Variants in DLGAP1 observed in about 807,000 individuals in gnomAD.
DLGAP1 encodes the protein disks large-associated protein 1.
DLGAP1 carries 11 observed loss-of-function variants against 90.8 expected under a neutral mutation model. The observed-to-expected ratio is 0.12, with a 90% CI of 0.08 to 0.20. The LOEUF is 0.20. DLGAP1 is among the 10% of genes least tolerant of loss of function. DLGAP1 has a pLI of 1.00. For synonymous variants in DLGAP1, 558 were observed against 540.7 expected, an observed-to-expected ratio of 1.03 and a Z score of -0.44; for missense variants, 1,050 against 1,333.8, an observed-to-expected ratio of 0.79 and a Z score of 3.31.
At chr18:3,891,963 G>C (rs954001791) in intron 3 of DLGAP1, 2 of 151,638 alleles carry the variant, frequency 1.3e-5, no homozygotes, top group Admixed American at 6.6e-5. Flanking sequence ...GGCTGGTCTC[G>C]AGCTCCTGGC....
At chr18:4,242,621 G>A (rs2078563049) in intron 1 of DLGAP1, among the ~76,000 whole-genome samples, 1 of 152,200 alleles carries the variant, frequency 6.6e-6, no homozygotes, top group African/African-American at 2.4e-5. Context: ...GAGGAAGAAA[G>A]CGGGAAGGGC....
intron 1 of DLGAP1, among the ~76,000 whole-genome samples, chr18:4,157,149 C>G (rs905843481): frequency 6.6e-6 from 1 of 151,574 alleles, no homozygotes; most frequent in South Asian, 2.1e-4. Context: ...TGGGACCGGG[C>G]CGTCAGCTCA....
chr18:4,181,697 C>A (rs112885373), intron 1 of DLGAP1, among the ~76,000 whole-genome samples: 2 of 148,490 alleles, frequency 1.3e-5, no homozygotes, highest in East Asian at 3.9e-4. Context: ...TGGATTTCTT[C>A]TTTTTTTTTT....
chr18:4,426,308 A>T (rs568112969), intron 1 of DLGAP1, among the ~76,000 whole-genome samples: 1 of 152,206 alleles, frequency 6.6e-6, no homozygotes, highest in Non-Finnish European at 1.5e-5. Context: ...CCCCTTAAAA[A>T]GTTCTCCCCA....
At chr18:3,832,658 A>C (rs1479799824) in intron 4 of DLGAP1, among the ~76,000 whole-genome samples, 1 of 151,946 alleles carries the variant, frequency 6.6e-6, no homozygotes, top group Non-Finnish European at 1.5e-5. Flanking sequence ...GAACGGCCAC[A>C]GAGAACCTTC....
chr18:4,351,248 T>A (rs2081396738), intron 1 of DLGAP1, among the ~76,000 whole-genome samples: 1 of 152,164 alleles, frequency 6.6e-6, no homozygotes. Context: ...AGGCTTCTAG[T>A]GGTTGGCAAC....
chr18:3,835,865 C>T (rs1015315135), intron 4 of DLGAP1, among the ~76,000 whole-genome samples: 3 of 152,136 alleles, frequency 2.0e-5, no homozygotes, highest in South Asian at 2.1e-4. Flanking sequence ...TTATGTAGTG[C>T]CTCCCCGCCA....
intron 3 of DLGAP1, among the ~76,000 whole-genome samples, chr18:3,890,330 T>C (rs886760498): frequency 2.0e-5 from 3 of 152,248 alleles, no homozygotes; most frequent in East Asian, 1.9e-4. Context: ...TCAGATACCA[T>C]GTAAGAAGTG....
intron 1 of DLGAP1, among the ~76,000 whole-genome samples, chr18:4,444,978 G>A (rs1403258362): frequency 6.6e-6 from 1 of 152,140 alleles, no homozygotes; most frequent in Non-Finnish European, 1.5e-5. Context: ...GATTGTGAAG[G>A]CAGTAACACT....
intron 3 of DLGAP1, among the ~76,000 whole-genome samples, chr18:3,933,385 T>C (rs2072562328): frequency 6.6e-6 from 1 of 152,258 alleles, no homozygotes; most frequent in East Asian, 1.9e-4. Context: ...TTTTCTCATA[T>C]GTGAACTCCA....
intron 5 of DLGAP1, among the ~76,000 whole-genome samples, chr18:3,799,218 C>T (rs1356855935): frequency 6.6e-6 from 1 of 152,158 alleles, no homozygotes; most frequent in South Asian, 2.1e-4. Context: ...CCAGAGAAGT[C>T]ACTCACATAA....
intron 1 of DLGAP1, among the ~76,000 whole-genome samples, chr18:4,443,145 C>T (rs2083577193): frequency 6.6e-6 from 1 of 152,184 alleles, no homozygotes; most frequent in Non-Finnish European, 1.5e-5. Flanking sequence ...TATAAATAGT[C>T]TACATATCTT....
chr18:4,149,079 A>G (rs2076631459), intron 2 of DLGAP1, among the ~76,000 whole-genome samples: 1 of 152,264 alleles, frequency 6.6e-6, no homozygotes, highest in Non-Finnish European at 1.5e-5. Context: ...CAAAAATTAA[A>G]TTTTTGTGTA....
intron 7 of DLGAP1, among the ~76,000 whole-genome samples, chr18:3,707,690 G>T (rs1468694000): frequency 1.3e-5 from 2 of 152,148 alleles, no homozygotes; most frequent in Non-Finnish European, 2.9e-5. Flanking sequence ...TGTAATCGTG[G>T]ATATATTTGT....
intron 2 of DLGAP1, among the ~76,000 whole-genome samples, chr18:4,038,376 T>TG (rs1476826774): frequency 2.0e-5 from 3 of 152,084 alleles, no homozygotes; most frequent in African/African-American, 7.2e-5. Flanking sequence ...GGCTTCAGTC[T>TG]GGGGGGGTTA....
At chr18:4,050,504 C>G (rs1339284585) in intron 2 of DLGAP1, among the ~76,000 whole-genome samples, 2 of 152,160 alleles carry the variant, frequency 1.3e-5, no homozygotes, top group Non-Finnish European at 2.9e-5. Context: ...TTACCAAAGC[C>G]TAGAGCTGAA....
chr18:3,694,635 T>C (rs1003781508), intron 7 of DLGAP1, among the ~76,000 whole-genome samples: 9 of 152,248 alleles, frequency 5.9e-5, no homozygotes, highest in African/African-American at 2.2e-4. Flanking sequence ...TAATGACAAG[T>C]GATGATGAAC....
intron 7 of DLGAP1, chr18:3,593,602 G>C (rs1199416757): frequency 6.6e-6 from 1 of 152,180 alleles, no homozygotes; most frequent in African/African-American, 2.4e-5. Flanking sequence ...GGGGAGGAGA[G>C]GGGATGTGAA....
At chr18:3,746,447 G>A (rs1650488200) in intron 5 of DLGAP1, among the ~76,000 whole-genome samples, 1 of 152,164 alleles carries the variant, frequency 6.6e-6, no homozygotes, top group Non-Finnish European at 1.5e-5. Context: ...ATGCCATAAA[G>A]AGAAAGGTTA....
Sources: allele counts gnomAD v4.1 joint callset (sites outside exome capture counted in the v4.1 genomes callset), GRCh38; gene constraint gnomAD v4.1.1; transcripts MANE v1.5; gene names NCBI Gene and HGNC (gene_info 2026-07-23, HGNC 2026-07-21).